Variants in UBR4 observed in about 807,000 individuals in gnomAD.
The protein encoded by UBR4 is E3 ubiquitin-protein ligase UBR4.
A neutral mutation model predicts 575.6 loss-of-function variants in UBR4; 124 were observed. The ratio of observed to expected loss-of-function variants is 0.22; its 90% CI spans 0.19 to 0.25. The LOEUF (loss-of-function observed/expected upper bound fraction) is 0.25, where lower values mean the gene tolerates loss of function less well. Among genes scored for constraint, UBR4 ranks in the 10% least tolerant of loss-of-function variants. UBR4 has a pLI of 1.00. For synonymous variants in UBR4, 2,455 were observed against 2,473.7 expected (o/e 0.99, Z 0.22); for missense variants, 4,818 against 6,478.8 (o/e 0.74, Z 8.80).
At chr1:19,207,193 C>G (rs2093053702) in intron 1 of UBR4, among the ~76,000 whole-genome samples, 1 of 152,208 alleles carries the variant, frequency 6.6e-6, no homozygotes, top group Non-Finnish European at 1.5e-5. Context: ...AAGTGGCAGC[C>G]TAGACATCTC....
Position 19,173,361 on chromosome 1 carries a change from T to G in UBR4, c.3166-55A>C. ...GAGATGACTATAGGCAAAGCTTTCA[T>G]TATCTTCAAATTTAAAAGCTCCAGT... On this transcript the variant is annotated intron_variant, in intron 23 of 105. Coordinates refer to ENST00000375254, the MANE Select transcript of UBR4 (RefSeq NM_020765.3). 1.2e-5 allele frequency: 19 copies of G among 1,611,266 alleles called. No homozygotes were observed. The South Asian group carries it at 2.1e-4, about 18-fold the overall frequency.
At chr1:19,177,439 A>G in intron 19 of UBR4, 22 bp downstream of exon 19, 2 of 1,603,832 alleles carry the variant, frequency 1.2e-6, no homozygotes, top group South Asian at 2.2e-5. Context: ...GGTGAAGCAA[A>G]AAAGAACGTG....
intron 102 of UBR4, among the ~76,000 whole-genome samples, chr1:19,082,394 A>T (rs575435130): frequency 2.0e-5 from 3 of 152,190 alleles, no homozygotes; most frequent in Non-Finnish European, 4.4e-5. Flanking sequence ...TCGTGGAAAA[A>T]ACTGTGTTCT....
chr1:19,106,962 A>C lies in UBR4; in HGVS notation c.12110T>G (p.Val4037Gly). 1 of 1,611,858 alleles carries C rather than the reference A, an allele frequency of 6.2e-7. No individual in the cohort carries two copies. The highest frequency in any genetic ancestry group is 8.5e-7 in the Non-Finnish European group (1 of 1,179,860). ...CACCGTGGTGAGGGCCTCAACGGGG[A>C]CATCCTGGAGGAGGCAAGTGGAGCA... Reference protein sequence around the residue: ...PAPTSKKNKDVPVEALTTVKP... With the variant: ...PAPTSKKNKDGPVEALTTVKP... Residue 4037 changes from valine to glycine, a missense_variant, in exon 82 of 106, where the codon GTC becomes GGC. Val to Gly is a moderately radical substitution (Grantham distance 109). Coordinates refer to ENST00000375254, the MANE Select transcript of UBR4 (RefSeq NM_020765.3).
At chr1:19,091,096 CA>C (rs34082937) in intron 97 of UBR4, among the ~76,000 whole-genome samples, 96,325 of 143,212 alleles carry the variant, frequency 0.67, 32,191 homozygotes, top group East Asian at 0.8. Flanking sequence ...AACTTCATCT[CA>C]AAAAAAAAAA....
chr1:19,094,958 A>C lies in UBR4; in HGVS notation c.13694T>G (p.Ile4565Ser). 2 of 1,614,122 alleles carry C rather than the reference A, an allele frequency of 1.2e-6. No individual in the cohort carries two copies. Among genetic ancestry groups the C allele is most frequent in the Non-Finnish European group, 1.7e-6 (2 of 1,180,024 alleles). ...GGACTCATCTAGAATGATCTCCATG[A>C]TGCTAAGCACCTGCTCAGCCACAGC... ...GAAVAEQVLS[I>S]MEIILDESNA... is the part of the protein sequence containing the mutation. The change falls in exon 94 of 106, where the codon ATC (isoleucine) becomes AGC (serine). Residue 4565 changes from isoleucine to serine, a missense_variant. Transcript: ENST00000375254.
At chr1:19,107,254 C>T (rs565255046) in intron 81 of UBR4, among the ~76,000 whole-genome samples, 3 of 152,148 alleles carry the variant, frequency 2.0e-5, no homozygotes, top group East Asian at 3.9e-4. Context: ...TCCTATCCCA[C>T]GGCTGATTTG....
rs766750508 is a variant in UBR4, at chr1:19,186,619, G to A, written c.1671C>T (p.Ser557=). The A allele has an allele frequency of 6.2e-7, 1 of 1,614,080 alleles. No individual in the cohort carries two copies. The highest frequency in any genetic ancestry group is 1.1e-5 in the South Asian group (1 of 91,080). Residue 557 remains serine (S), a synonymous_variant, in exon 14 of 106, where the codon AGC becomes AGT. Transcript: ENST00000375254. ...AGTCGGTGGAGGCGCTGGCATCGCTGCTCATGGAGCCCTTCCTCTGCCGCT... is the reference window on the plus strand; with the variant it reads ...AGTCGGTGGAGGCGCTGGCATCGCTACTCATGGAGCCCTTCCTCTGCCGCT... ...VLQRQRKGSM[S]SDASASTDSN...
chr1:19,097,101 G>C, intron 91 of UBR4, 92 bp downstream of exon 91: 1 of 1,045,276 alleles, frequency 9.6e-7, no homozygotes, highest in Non-Finnish European at 1.3e-6. Flanking sequence ...AGAGGTACAA[G>C]AGAGAAGCAA....
At chr1:19,154,400 C>T (rs1257400248) in intron 44 of UBR4, among the ~76,000 whole-genome samples, 1 of 152,206 alleles carries the variant, frequency 6.6e-6, no homozygotes, top group African/African-American at 2.4e-5. Flanking sequence ...CAAGGGAAGA[C>T]ACCATAAGCC....
chr1:19,162,484 T>C lies in UBR4; in HGVS notation c.4892A>G (p.Glu1631Gly). The C allele has an allele frequency of 1.9e-6, 3 of 1,613,960 alleles. No homozygotes were observed. The highest frequency in any genetic ancestry group is 2.5e-6 in the Non-Finnish European group (3 of 1,179,900). Residue 1631 changes from glutamate to glycine, a missense_variant, in exon 35 of 106, where the codon GAA becomes GGA. By Grantham distance (98) the Glu-to-Gly change is moderately conservative. This residue lies in a region of UBR4 where 1,172 missense variants were observed against 1,259.7 expected (regional missense o/e 0.93). Transcript: ENST00000375254. The stretch of plus-strand genomic sequence containing the variant: ...CTCCTCCACCCAGTCTGAGTCTACT[T>C]CAATGGCCCGCTCTTCCCCATCCAC... ...LSVDGEERAIEVDSDWVEELA... is the reference protein window; with the variant it reads ...LSVDGEERAIGVDSDWVEELA...
At position 19,084,510 on chromosome 1, in the gene UBR4, A is replaced by T; in HGVS notation, c.15002T>A (p.Leu5001Gln). 6.2e-7 allele frequency: 1 copy of T among 1,610,826 alleles called. No homozygotes were observed. The highest frequency in any genetic ancestry group is 8.5e-7 in the Non-Finnish European group (1 of 1,177,684). ...TGGGACACAGGGTACTGACGTGTTC[A>T]GGACGTAAAGCACAGTGTGAATGAT... ...PYIIHTVLYV[L>Q]NTTRATSREE... The change falls in exon 102 of 106, where the codon CTG becomes CAG. Residue 5001 changes from leucine to glutamine, a missense_variant. By Grantham distance (113) the Leu-to-Gln change is moderately radical. Coordinates refer to ENST00000375254, the MANE Select transcript of UBR4 (RefSeq NM_020765.3).
At chr1:19,166,893 C>T in intron 29 of UBR4, 129 bp downstream of exon 29, 2 of 1,052,280 alleles carry the variant, frequency 1.9e-6, no homozygotes, top group South Asian at 3.2e-5. Flanking sequence ...GAGACCATGT[C>T]TCAGAATAAA....
Position 19,165,771 on chromosome 1 carries a change from G to T in UBR4, c.4110-14C>A, listed in dbSNP as rs747605788. 1 of 1,603,500 alleles carries T rather than the reference G, an allele frequency of 6.2e-7. No homozygotes were observed. The highest frequency in any genetic ancestry group is 8.5e-7 in the Non-Finnish European group (1 of 1,174,484). ...TCATCCAGTCCACTGAGGATCAAAC[G>T]GAAAACTTAACCACCAGTATTAAGA... is the stretch of plus-strand genomic sequence containing the variant. On this transcript the variant is annotated splice_polypyrimidine_tract_variant and intron_variant, in intron 29 of 105. Coordinates refer to ENST00000375254, the MANE Select transcript of UBR4 (RefSeq NM_020765.3).
intron 35 of UBR4, 128 bp downstream of exon 35, chr1:19,162,292 G>T: frequency 8.6e-7 from 1 of 1,157,506 alleles, no homozygotes; most frequent in Non-Finnish European, 1.2e-6. Flanking sequence ...GAAAATTGGG[G>T]CCTGGCAGCA....
chr1:19,188,030 T>TTAATTAAA (rs1553224954), intron 11 of UBR4, among the ~76,000 whole-genome samples: 2 of 140,928 alleles, frequency 1.4e-5, no homozygotes, highest in African/African-American at 5.2e-5. Context: ...AAACAAAAAA[T>TTAATTAAA]TAAATAAATA....
At position 19,155,567 on chromosome 1, in the gene UBR4, C is replaced by T; in HGVS notation, c.6174G>A (p.Lys2058=). The change falls in exon 43 of 106, where the codon AAG becomes AAA. Residue 2058 remains lysine (K), a synonymous_variant. Coordinates refer to ENST00000375254, the MANE Select transcript of UBR4 (RefSeq NM_020765.3). Reference sequence around the variant, plus strand: ...CCGAAGACATTATAACAATGATGTTCTTTCCCTCCTCATTGAAAAGGAAGG... The same window carrying T: ...CCGAAGACATTATAACAATGATGTTTTTTCCCTCCTCATTGAAAAGGAAGG... ...DVTFLFNEEG[K]NIIVIMSSAG... The T allele has an allele frequency of 1.2e-6, 2 of 1,614,132 alleles. No homozygotes were observed. Among genetic ancestry groups the T allele is most frequent in the Non-Finnish European group, 1.7e-6 (2 of 1,179,994 alleles).
intron 60 of UBR4, among the ~76,000 whole-genome samples, chr1:19,132,087 A>G (rs572226542): frequency 6.6e-6 from 1 of 152,328 alleles, no homozygotes; most frequent in South Asian, 2.1e-4. Flanking sequence ...ATACAGCATT[A>G]TCAAAACACA....
chr1:19,114,971 G>A, intron 74 of UBR4, 22 bp from the exon 75 acceptor site: 5 of 1,614,054 alleles, frequency 3.1e-6, no homozygotes, highest in Non-Finnish European at 4.2e-6. Flanking sequence ...AAGCGTTTGG[G>A]TCAGTAAGGT....
Sources: gnomAD v4.1 joint callset for allele counts (sites outside exome capture counted in the v4.1 genomes callset) on GRCh38, gnomAD v4.1.1 for gene constraint, gnomAD v4.1.1 regional missense constraint, MANE v1.5 for transcripts, NCBI Gene and HGNC (gene_info 2026-07-23, HGNC 2026-07-21) for gene names.